ADAMTS12: variants seen among roughly 807,000 people sequenced by gnomAD.
The protein encoded by ADAMTS12 is ADAM metallopeptidase with thrombospondin type 1 motif 12.
Under a neutral mutation model 167.8 loss-of-function variants are expected in ADAMTS12, and 118 were observed. The observed-to-expected ratio is 0.70, with a 90% CI of 0.61 to 0.82. The LOEUF (loss-of-function observed/expected upper bound fraction) is 0.82. Ranked by LOEUF, ADAMTS12 falls within the 40% of genes least tolerant of loss-of-function variation. The pLI, the probability that ADAMTS12 is intolerant of heterozygous loss-of-function variation, is 0.00. For missense variants in ADAMTS12, 1,916 were observed against 1,998.8 expected (o/e 0.96, Z 0.79); for synonymous variants, 704 against 716.9 (o/e 0.98, Z 0.29).
At chr5:33,718,862 A>G (rs1444608154) in intron 3 of ADAMTS12, among the ~76,000 whole-genome samples, 1 of 152,162 alleles carries the variant, frequency 6.6e-6, no homozygotes, top group Non-Finnish European at 1.5e-5. Context: ...TTGCCTAGGT[A>G]CTTGGTTTAT....
intron 2 of ADAMTS12, among the ~76,000 whole-genome samples, chr5:33,759,547 TTCAG>T (rs1436987576): frequency 4.6e-5 from 7 of 152,290 alleles, no homozygotes; most frequent in African/African-American, 7.2e-5. Context: ...AGTGCCAACC[TTCAG>T]TCAATCTGCT....
intron 2 of ADAMTS12, among the ~76,000 whole-genome samples, chr5:33,783,189 C>CA (rs1746203528): frequency 6.6e-6 from 1 of 151,466 alleles, no homozygotes; most frequent in Non-Finnish European, 1.5e-5. Context: ...AGAGCAACTA[C>CA]AAAAAATACT....
At chr5:33,695,174 C>T (rs1209611966) in intron 3 of ADAMTS12, among the ~76,000 whole-genome samples, 2 of 152,202 alleles carry the variant, frequency 1.3e-5, no homozygotes, top group African/African-American at 4.8e-5. Context: ...GATCAAAACT[C>T]TAATTCCTCT....
intron 19 of ADAMTS12, among the ~76,000 whole-genome samples, chr5:33,575,287 A>G (rs1746635513): frequency 6.6e-6 from 1 of 152,202 alleles, no homozygotes; most frequent in African/African-American, 2.4e-5. Flanking sequence ...TTACTTCACA[A>G]TTTTAAACCA....
intron 16 of ADAMTS12, among the ~76,000 whole-genome samples, chr5:33,598,108 T>G (rs1579725388): frequency 1.3e-5 from 2 of 152,190 alleles, no homozygotes; most frequent in Non-Finnish European, 1.5e-5. Flanking sequence ...GCCAGGCAGA[T>G]GTCATCAAGG....
chr5:33,752,861 T>A (rs1407856424), intron 2 of ADAMTS12, among the ~76,000 whole-genome samples: 1 of 152,222 alleles, frequency 6.6e-6, no homozygotes, highest in African/African-American at 2.4e-5. Flanking sequence ...CAAAGGGGGA[T>A]GCTGGTCTCC....
At chr5:33,610,875 T>C (rs565929900) in intron 16 of ADAMTS12, among the ~76,000 whole-genome samples, 33 of 152,262 alleles carry the variant, frequency 2.2e-4, no homozygotes, top group Middle Eastern at 3.4e-3. Context: ...GAGACCAGCC[T>C]GGCCAACATG....
chr5:33,724,959 A>T (rs58731794), intron 3 of ADAMTS12, among the ~76,000 whole-genome samples: 7,661 of 152,140 alleles, frequency 0.05, 365 homozygotes, highest in East Asian at 0.23. Flanking sequence ...TTCCTCCCTT[A>T]TCCCTTATAA....
intron 17 of ADAMTS12, among the ~76,000 whole-genome samples, chr5:33,591,792 A>T (rs2331242): frequency 0.43 from 65,880 of 151,984 alleles, 15,150 homozygotes; most frequent in East Asian, 0.69. Flanking sequence ...ATGTCTGAAG[A>T]CATTTTTCGT....
intron 3 of ADAMTS12, among the ~76,000 whole-genome samples, chr5:33,729,190 GT>G (rs1364100086): frequency 6.6e-6 from 1 of 152,200 alleles, no homozygotes; most frequent in Non-Finnish European, 1.5e-5. Context: ...ACATTTTAGA[GT>G]TTATTTGAGT....
chr5:33,794,204 A>C (rs1365487343), intron 2 of ADAMTS12, among the ~76,000 whole-genome samples: 9 of 152,152 alleles, frequency 5.9e-5, no homozygotes. Context: ...TCTCCAGTGG[A>C]GGTGTGTGCT....
intron 3 of ADAMTS12, among the ~76,000 whole-genome samples, chr5:33,708,008 C>G (rs1579859403): frequency 6.6e-6 from 1 of 152,070 alleles, no homozygotes; most frequent in Admixed American, 6.5e-5. Flanking sequence ...AATGAGCAGG[C>G]AACCTACAGA....
chr5:33,532,472 A>AT (rs55826401), intron 23 of ADAMTS12, among the ~76,000 whole-genome samples: 3,626 of 139,396 alleles, frequency 0.026, 136 homozygotes, highest in African/African-American at 0.085. Context: ...TACTGTTTCT[A>AT]TTTTTTTTTT....
chr5:33,848,065 A>G (rs1010210427), intron 2 of ADAMTS12, among the ~76,000 whole-genome samples: 4 of 152,040 alleles, frequency 2.6e-5, no homozygotes, highest in Non-Finnish European at 4.4e-5. Flanking sequence ...AAATACAAAA[A>G]AAGGAGCAGG....
At chr5:33,553,345 C>A (rs1272820842) in intron 20 of ADAMTS12, among the ~76,000 whole-genome samples, 5 of 152,114 alleles carry the variant, frequency 3.3e-5, no homozygotes, top group Non-Finnish European at 7.3e-5. Flanking sequence ...ACTATTTGAC[C>A]AAGCAGTCCC....
intron 5 of ADAMTS12, among the ~76,000 whole-genome samples, chr5:33,673,132 T>C: frequency 6.6e-6 from 1 of 152,208 alleles, no homozygotes; most frequent in Admixed American, 6.5e-5. Context: ...CTTTCGAGAT[T>C]CTTACCTCTG....
At chr5:33,592,867 G>A (rs1379573347) in intron 17 of ADAMTS12, among the ~76,000 whole-genome samples, 1 of 152,196 alleles carries the variant, frequency 6.6e-6, no homozygotes, top group East Asian at 1.9e-4. Context: ...ACTTTTTAGA[G>A]ATCATGGAAA....
chr5:33,770,957 T>C (rs1055106571), intron 2 of ADAMTS12, among the ~76,000 whole-genome samples: 4 of 152,080 alleles, frequency 2.6e-5, no homozygotes, highest in East Asian at 3.9e-4. Flanking sequence ...TCCTAAAGTG[T>C]TGGGATTTGA....
At chr5:33,716,314 T>A (rs1743614825) in intron 3 of ADAMTS12, among the ~76,000 whole-genome samples, 1 of 152,178 alleles carries the variant, frequency 6.6e-6, no homozygotes, top group Non-Finnish European at 1.5e-5. Context: ...CTTGGTTTCC[T>A]GAACTGTTAG....
Sources: allele counts gnomAD v4.1 joint callset (sites outside exome capture counted in the v4.1 genomes callset), GRCh38; gene constraint gnomAD v4.1.1; transcripts MANE v1.5; gene names NCBI Gene and HGNC (gene_info 2026-07-23, HGNC 2026-07-21).